Variants in TRMT11 observed in about 807,000 individuals in gnomAD.
TRMT11 encodes the protein tRNA (guanine(10)-N(2))-methyltransferase TRMT11.
In TRMT11, 53 loss-of-function variants were observed where a neutral mutation model predicts 62.8. The observed-to-expected ratio is 0.84, with a 90% CI of 0.68 to 1.06. The LOEUF (loss-of-function observed/expected upper bound fraction) is 1.06. TRMT11 is among the 50% of genes least tolerant of loss of function. The pLI, the probability that TRMT11 is intolerant of heterozygous loss-of-function variation, is 0.00. For synonymous variants in TRMT11, 188 were observed against 190.3 expected (o/e 0.99, Z 0.10); for missense variants, 556 against 553.4 (o/e 1.00, Z -0.05).
At chr6:126,093,631 A>ATATATATATATATATATATTTTTTTT in intron 17 of TRMT11, among the ~76,000 whole-genome samples, 1 of 98,014 alleles carries the variant, frequency 1.0e-5, no homozygotes, top group African/African-American at 4.4e-5. Context: ...ATATATATAT[A>ATATATATATATATATATATTTTTTTT]TTTTCCCCCA....
intron 21 of TRMT11, among the ~76,000 whole-genome samples, chr6:126,149,589 G>T (rs1157639275): frequency 6.6e-6 from 1 of 152,148 alleles, no homozygotes; most frequent in Non-Finnish European, 1.5e-5. Flanking sequence ...CTCAAGTTAG[G>T]TATATGCTCT....
chr6:126,083,801 A>G (rs1295225986), intron 17 of TRMT11, among the ~76,000 whole-genome samples: 1 of 152,074 alleles, frequency 6.6e-6, no homozygotes, highest in African/African-American at 2.4e-5. Context: ...ACTGGTAAAC[A>G]CTATTTTGCT....
At chr6:126,212,148 C>T in the TRMT11 span, among the ~76,000 whole-genome samples, 2 of 152,108 alleles carry the variant, frequency 1.3e-5, no homozygotes, top group Non-Finnish European at 2.9e-5. Context: ...ATATGTACCA[C>T]ATTTTCTTTA....
intron 21 of TRMT11, among the ~76,000 whole-genome samples, chr6:126,119,191 C>A (rs1374739530): frequency 6.6e-6 from 1 of 152,064 alleles, no homozygotes; most frequent in Non-Finnish European, 1.5e-5. Context: ...TGAATGGGTC[C>A]ATTTGCAAAG....
intron 21 of TRMT11, among the ~76,000 whole-genome samples, chr6:126,166,025 A>G (rs1778257555): frequency 6.6e-6 from 1 of 151,900 alleles, no homozygotes; most frequent in Non-Finnish European, 1.5e-5. Flanking sequence ...GCTTTATTTC[A>G]TTAAGTTCAC....
intron 17 of TRMT11, among the ~76,000 whole-genome samples, chr6:126,055,908 CTCTT>C (rs1776360378): frequency 6.6e-6 from 1 of 152,140 alleles, no homozygotes; most frequent in African/African-American, 2.4e-5. Flanking sequence ...AAAAGTTTCC[CTCTT>C]TCTTCTTCTC....
At chr6:126,218,003 C>A in the TRMT11 span, among the ~76,000 whole-genome samples, 1 of 152,124 alleles carries the variant, frequency 6.6e-6, no homozygotes, top group Admixed American at 6.5e-5. Flanking sequence ...TTTTCACAAG[C>A]AGAGGAGTCT....
chr6:126,061,813 C>G (rs574707790), intron 17 of TRMT11, among the ~76,000 whole-genome samples: 2 of 152,168 alleles, frequency 1.3e-5, no homozygotes, highest in Non-Finnish European at 2.9e-5. Context: ...CTGCCTCAAT[C>G]CCAGAGCTTC....
intron 21 of TRMT11, among the ~76,000 whole-genome samples, chr6:126,158,921 C>T (rs1778156138): frequency 1.3e-5 from 2 of 152,132 alleles, no homozygotes; most frequent in African/African-American, 4.8e-5. Flanking sequence ...CCCTCGTTGC[C>T]CATCCAGCTC....
intron 17 of TRMT11, among the ~76,000 whole-genome samples, chr6:126,057,915 C>T (rs1339306641): frequency 6.6e-6 from 1 of 151,958 alleles, no homozygotes; most frequent in Non-Finnish European, 1.5e-5. Flanking sequence ...GAAGGCTTAG[C>T]TAGACAGCTC....
At chr6:126,077,443 C>T (rs116900167) in intron 17 of TRMT11, among the ~76,000 whole-genome samples, 7 of 152,202 alleles carry the variant, frequency 4.6e-5, no homozygotes, top group East Asian at 3.9e-4. Context: ...AAACAAGGCA[C>T]GTGGACACAC....
the TRMT11 span, among the ~76,000 whole-genome samples, chr6:126,220,190 G>C: frequency 6.6e-6 from 1 of 152,222 alleles, no homozygotes; most frequent in African/African-American, 2.4e-5. Flanking sequence ...GCCTAGCCAT[G>C]TCTAACTACA....
chr6:126,184,628 C>G (rs1360840114), intron 1 of TRMT11, among the ~76,000 whole-genome samples: 1 of 152,046 alleles, frequency 6.6e-6, no homozygotes, highest in Non-Finnish European at 1.5e-5. Context: ...TTTCTCTCCC[C>G]CTGTATCTTT....
At chr6:126,014,767 T>G (rs967609699) in intron 11 of TRMT11, among the ~76,000 whole-genome samples, 13 of 152,334 alleles carry the variant, frequency 8.5e-5, no homozygotes, top group African/African-American at 3.1e-4. Context: ...TGAGTTTTTT[T>G]TTGTTGCTAA....
the TRMT11 span, among the ~76,000 whole-genome samples, chr6:126,217,096 AT>A: frequency 2.8e-4 from 42 of 152,194 alleles, 1 homozygote; most frequent in African/African-American, 9.9e-4. Flanking sequence ...CTTTTTAATT[AT>A]TTAAATCTCT....
chr6:126,087,098 A>G (rs1777224701), intron 17 of TRMT11, among the ~76,000 whole-genome samples: 1 of 152,230 alleles, frequency 6.6e-6, no homozygotes, highest in Admixed American at 6.5e-5. Flanking sequence ...TACTCCCTTT[A>G]TTAGTTCACA....
chr6:126,171,010 A>C (rs1230642808), intron 21 of TRMT11, among the ~76,000 whole-genome samples: 1 of 152,160 alleles, frequency 6.6e-6, no homozygotes, highest in Non-Finnish European at 1.5e-5. Context: ...GAGCAGGTTG[A>C]TCCCCACTTA....
chr6:126,263,064 C>A, the TRMT11 span, among the ~76,000 whole-genome samples: 2 of 152,164 alleles, frequency 1.3e-5, no homozygotes, highest in African/African-American at 4.8e-5. Context: ...TCTTCCTATT[C>A]TCTTCAGTGT....
intron 17 of TRMT11, among the ~76,000 whole-genome samples, chr6:126,081,073 A>G (rs1261901365): frequency 1.3e-5 from 2 of 152,118 alleles, no homozygotes; most frequent in East Asian, 3.9e-4. Context: ...CCACATACCC[A>G]TTTTACTTAC....
Sources: allele counts gnomAD v4.1 joint callset (sites outside exome capture counted in the v4.1 genomes callset), GRCh38; gene constraint gnomAD v4.1.1; transcripts MANE v1.5; gene names NCBI Gene and HGNC (gene_info 2026-07-23, HGNC 2026-07-21).